Variants in LPAR1 observed in about 807,000 individuals in gnomAD.
The protein encoded by LPAR1 is lysophosphatidic acid receptor 1.
A neutral mutation model predicts 23.8 loss-of-function variants in LPAR1; 5 were observed. The observed-to-expected ratio is 0.21, with a 90% CI of 0.11 to 0.44. The LOEUF is 0.44. LPAR1 is among the 20% of genes least tolerant of loss of function. The pLI, the probability that LPAR1 is intolerant of heterozygous loss-of-function variation, is 0.99. For missense variants in LPAR1, 311 were observed against 482.8 expected (o/e 0.64, Z 3.33); for synonymous variants, 160 against 164.7 (o/e 0.97, Z 0.22).
At chr9:110,879,657 A>T (rs1443156696) in intron 5 of LPAR1, among the ~76,000 whole-genome samples, 1 of 152,208 alleles carries the variant, frequency 6.6e-6, no homozygotes, top group Non-Finnish European at 1.5e-5. Context: ...TTGTAATCTC[A>T]TTGGCCTTAC....
At chr9:110,970,686 T>G (rs2096389512) in intron 4 of LPAR1, among the ~76,000 whole-genome samples, 1 of 152,114 alleles carries the variant, frequency 6.6e-6, no homozygotes, top group Non-Finnish European at 1.5e-5. Context: ...CCTCCTTCTC[T>G]CCTTCTCTCA....
In LPAR1 at chr9:110,947,894, T is replaced by C. The variant is rs575230620; in HGVS notation, c.46-5726A>G. Among the ~76,000 whole-genome samples, 12 of 150,130 alleles carry C rather than the reference T, an allele frequency of 8.0e-5. No individual in the cohort carries two copies. The South Asian group carries it at 2.6e-3, about 32-fold the overall frequency. ...ATACTCTAAGGGAGACTGTAATCTATGCTGATAAAGAACTAGTAATAAGAT... is the reference window on the plus strand; with the variant it reads ...ATACTCTAAGGGAGACTGTAATCTACGCTGATAAAGAACTAGTAATAAGAT... On this transcript the variant is annotated intron_variant, in intron 4 of 5. Coordinates refer to ENST00000683809, the MANE Select transcript of LPAR1 (RefSeq NM_001351411.2).
intron 2 of LPAR1, among the ~76,000 whole-genome samples, chr9:110,996,133 G>A (rs548717267): frequency 6.6e-6 from 1 of 152,238 alleles, no homozygotes; most frequent in South Asian, 2.1e-4. Flanking sequence ...TGTCCTACAT[G>A]TCCAGAAAAA....
chr9:110,882,052 A>G (rs1365765374), intron 5 of LPAR1, among the ~76,000 whole-genome samples: 1 of 152,212 alleles, frequency 6.6e-6, no homozygotes, highest in African/African-American at 2.4e-5. Flanking sequence ...TACTTATTAA[A>G]TGTCGCTTTC....
intron 4 of LPAR1, among the ~76,000 whole-genome samples, chr9:110,943,631 G>C (rs529423641): frequency 5.1e-4 from 77 of 152,202 alleles, no homozygotes; most frequent in African/African-American, 1.9e-3. Flanking sequence ...AGGCCAAAGT[G>C]GGTGGATCAC....
At chr9:110,938,690 CA>C (rs796804536) in intron 5 of LPAR1, among the ~76,000 whole-genome samples, 16 of 120,356 alleles carry the variant, frequency 1.3e-4, no homozygotes, top group African/African-American at 1.9e-4. Context: ...CCCATCTCTA[CA>C]AAAAAAAAAG....
In LPAR1 at chr9:110,875,119, A is replaced by G. The variant is rs1222523318; in HGVS notation, c.*302T>C. 2 of 230,142 alleles carry G rather than the reference A, an allele frequency of 8.7e-6. No homozygotes were observed. The highest frequency in any genetic ancestry group is 8.8e-5 in the East Asian group (1 of 11,380). 14.3% of individuals were successfully genotyped at this position (230,142 alleles called of 1,614,324 possible). The stretch of plus-strand genomic sequence containing the variant: ...GCACCAAACCACACAAAATCTTTTA[A>G]AAGTCTAGTTAGTGTAGTCTAAATG... On this transcript the variant is annotated 3_prime_UTR_variant, in exon 6 of 6. Coordinates refer to ENST00000683809, the MANE Select transcript of LPAR1 (RefSeq NM_001351411.2).
intron 4 of LPAR1, among the ~76,000 whole-genome samples, chr9:110,953,793 T>C (rs1330863671): frequency 6.6e-6 from 1 of 151,960 alleles, no homozygotes; most frequent in Non-Finnish European, 1.5e-5. Flanking sequence ...CATAGATACA[T>C]CTTCAGGAAA....
chr9:110,938,906 A>G (rs183559799), intron 5 of LPAR1, among the ~76,000 whole-genome samples: 1 of 152,186 alleles, frequency 6.6e-6, no homozygotes, highest in Admixed American at 6.5e-5. Flanking sequence ...GTATAAATAT[A>G]ACTAGCCAGC....
intron 2 of LPAR1, among the ~76,000 whole-genome samples, chr9:111,023,560 C>T (rs1031756119): frequency 6.6e-6 from 1 of 151,902 alleles, no homozygotes; most frequent in Non-Finnish European, 1.5e-5. Flanking sequence ...AGACTCTATG[C>T]TTCATGCCAC....
Position 110,942,013 on chromosome 9 carries a change from G to A in LPAR1, c.201C>T (p.Asn67=), listed in dbSNP as rs1372311931. The A allele has an allele frequency of 1.9e-6, 3 of 1,614,144 alleles. No homozygotes were observed. In the South Asian group the frequency reaches 3.3e-5, roughly 18 times the overall value. ...ITVCIFIMLA[N]LLVMVAIYVN... Reference sequence around the variant, plus strand: ...CATAGATTGCCACCATGACCAATAGGTTGGCCAACATGATGAAGATACAAA... The same window carrying A: ...CATAGATTGCCACCATGACCAATAGATTGGCCAACATGATGAAGATACAAA... The change falls in exon 5 of 6, where the codon AAC becomes AAT. Residue 67 remains asparagine, a synonymous_variant. Transcript: ENST00000683809.
chr9:110,903,589 T>C (rs2090081463), intron 5 of LPAR1: 1 of 152,050 alleles, frequency 6.6e-6, no homozygotes, highest in Non-Finnish European at 1.5e-5. Context: ...TTACCAAATT[T>C]ACTCACTATG....
At chr9:110,920,172 C>A (rs1182830230) in intron 5 of LPAR1, among the ~76,000 whole-genome samples, 2 of 152,216 alleles carry the variant, frequency 1.3e-5, no homozygotes, top group South Asian at 4.1e-4. Flanking sequence ...GCCATTGTGC[C>A]CAGAAGGTGG....
chr9:110,926,911 C>G (rs990132438), intron 5 of LPAR1, among the ~76,000 whole-genome samples: 2 of 152,196 alleles, frequency 1.3e-5, no homozygotes, highest in Non-Finnish European at 1.5e-5. Context: ...ACTCCTCACA[C>G]GGTCATTGTT....
chr9:110,878,269 C>T (rs991629380), intron 5 of LPAR1, among the ~76,000 whole-genome samples: 6 of 152,042 alleles, frequency 3.9e-5, no homozygotes, highest in Admixed American at 1.3e-4. Context: ...GGAAATTCTG[C>T]GCCCCCCTCC....
chr9:111,034,098 A>G (rs1224968986), intron 2 of LPAR1, among the ~76,000 whole-genome samples: 1 of 152,180 alleles, frequency 6.6e-6, no homozygotes, highest in Non-Finnish European at 1.5e-5. Flanking sequence ...AATATATAGA[A>G]AGCAAGTTAC....
intron 5 of LPAR1, among the ~76,000 whole-genome samples, chr9:110,910,184 A>C (rs1218513260): frequency 1.3e-5 from 2 of 151,950 alleles, no homozygotes; most frequent in Non-Finnish European, 2.9e-5. Flanking sequence ...GGGTAGGCTG[A>C]CTCTCTTGTT....
chr9:111,026,014 C>A (rs1454640227), intron 2 of LPAR1, among the ~76,000 whole-genome samples: 4 of 152,088 alleles, frequency 2.6e-5, no homozygotes, highest in Admixed American at 2.6e-4. Flanking sequence ...TATACGGGCT[C>A]TTTTTTAGTT....
At chr9:110,986,167 C>G (rs924469631) in intron 2 of LPAR1, among the ~76,000 whole-genome samples, 1 of 151,990 alleles carries the variant, frequency 6.6e-6, no homozygotes, top group Non-Finnish European at 1.5e-5. Context: ...GCATAGGGAC[C>G]TAGAGCAATG....
Sources: gnomAD v4.1 joint callset for allele counts (sites outside exome capture counted in the v4.1 genomes callset) on GRCh38, gnomAD v4.1.1 for gene constraint, MANE v1.5 for transcripts, NCBI Gene and HGNC (gene_info 2026-07-23, HGNC 2026-07-21) for gene names.